ADORA1: variants seen among roughly 807,000 people sequenced by gnomAD.
ADORA1 encodes adenosine A1 receptor, also known as adenosine receptor A1.
A neutral mutation model predicts 19.9 loss-of-function variants in ADORA1; 6 were observed. That is an observed-to-expected ratio of 0.30 (90% CI 0.17 to 0.59). The LOEUF (loss-of-function observed/expected upper bound fraction) is 0.59. Among genes scored for constraint, ADORA1 ranks in the 20% least tolerant of loss-of-function variants. The probability of loss-of-function intolerance (pLI) is 0.87; values close to 1 mark genes in which losing one functional copy is unlikely to be tolerated. For synonymous variants in ADORA1, 194 were observed against 188.4 expected (o/e 1.03, Z -0.24); for missense variants, 302 against 439.2 (o/e 0.69, Z 2.79).
intron 3 of ADORA1, among the ~76,000 whole-genome samples, chr1:203,135,007 C>T (rs1392835277): frequency 6.6e-6 from 1 of 152,188 alleles, no homozygotes; most frequent in Non-Finnish European, 1.5e-5. Flanking sequence ...TTAGGGGGGC[C>T]TTCCCTGAGC....
intron 3 of ADORA1, among the ~76,000 whole-genome samples, chr1:203,151,514 C>T (rs141264490): frequency 1.3e-5 from 2 of 152,294 alleles, no homozygotes; most frequent in Non-Finnish European, 2.9e-5. Context: ...TGTATCTCTT[C>T]AAGGGTCGAT....
chr1:203,153,645 G>A (rs1282973785), intron 3 of ADORA1, among the ~76,000 whole-genome samples: 1 of 152,152 alleles, frequency 6.6e-6, no homozygotes, highest in Admixed American at 6.5e-5. Context: ...ATGCCACAGA[G>A]CCCCTCACAG....
chr1:203,163,694 G>T (rs1035278040), intron 3 of ADORA1, among the ~76,000 whole-genome samples: 1 of 152,128 alleles, frequency 6.6e-6, no homozygotes, highest in African/African-American at 2.4e-5. Context: ...GGGGCATCTG[G>T]TTCCTCCCAC....
intron 3 of ADORA1, among the ~76,000 whole-genome samples, chr1:203,144,081 T>TACACAC (rs10525873): frequency 0.13 from 18,095 of 139,624 alleles, 1,812 homozygotes; most frequent in African/African-American, 0.26. Context: ...GACTACCTCT[T>TACACAC]ACACACACAC....
At chr1:203,149,665 C>T (rs1221369528) in intron 3 of ADORA1, among the ~76,000 whole-genome samples, 1 of 152,146 alleles carries the variant, frequency 6.6e-6, no homozygotes, top group Non-Finnish European at 1.5e-5. Context: ...CCTGAGCATT[C>T]TGTAGAAGGC....
chr1:203,150,604 G>A (rs778021413), intron 3 of ADORA1: 74 of 1,286,270 alleles, frequency 5.8e-5, no homozygotes, highest in Admixed American at 9.2e-5. Context: ...GGCCAGGATC[G>A]GGGAGAATAT....
intron 3 of ADORA1, among the ~76,000 whole-genome samples, chr1:203,135,457 A>G (rs1287458049): frequency 6.6e-6 from 1 of 152,122 alleles, no homozygotes; most frequent in Non-Finnish European, 1.5e-5. Flanking sequence ...TCAGGAGTTC[A>G]AGACCATCTT....
At chr1:203,157,103 C>T (rs749081698) in intron 3 of ADORA1, among the ~76,000 whole-genome samples, 1 of 152,208 alleles carries the variant, frequency 6.6e-6, no homozygotes, top group Non-Finnish European at 1.5e-5. Flanking sequence ...CAGTAGGCCC[C>T]AAAGTCTTAA....
intron 3 of ADORA1, among the ~76,000 whole-genome samples, chr1:203,140,655 T>C (rs553475796): frequency 1.8e-4 from 28 of 152,262 alleles, no homozygotes; most frequent in Non-Finnish European, 3.7e-4. Flanking sequence ...CATTCCCAGG[T>C]GCCTTCAGCC....
intron 3 of ADORA1, among the ~76,000 whole-genome samples, chr1:203,145,683 G>GAA (rs1169779728): frequency 6.6e-6 from 1 of 152,248 alleles, no homozygotes; most frequent in Non-Finnish European, 1.5e-5. Flanking sequence ...CGGTGAAGTG[G>GAA]AACTAGTATT....
chr1:203,148,192 G>T (rs2102751612), intron 3 of ADORA1, among the ~76,000 whole-genome samples: 1 of 152,320 alleles, frequency 6.6e-6, no homozygotes, highest in Non-Finnish European at 1.5e-5. Context: ...CTGCACTCAA[G>T]CCTGGGTGAC....
chr1:203,154,930 C>A (rs1158874398), intron 3 of ADORA1, among the ~76,000 whole-genome samples: 1 of 152,112 alleles, frequency 6.6e-6, no homozygotes, highest in East Asian at 1.9e-4. Flanking sequence ...CCCACCCCCT[C>A]TTCCTTCTTT....
At position 203,134,509 on chromosome 1, in the gene ADORA1, C is replaced by G. The variant is rs1479552116; in HGVS notation, c.341+5327C>G. Among the ~76,000 whole-genome samples, 3 of 152,134 alleles carry G rather than the reference C, an allele frequency of 2.0e-5. No homozygotes were observed. The East Asian group carries it at 5.8e-4, about 29-fold the overall frequency. On this transcript the variant is annotated intron_variant, in intron 3 of 3. Transcript: ENST00000337894. ...GACTCCTTTCAAGTGTGAAAGCTTC[C>G]CCCAGCTGGCATCGGGTGGCTTCCC...
chr1:203,130,361 A>G (rs770760908), intron 3 of ADORA1, among the ~76,000 whole-genome samples: 5 of 152,348 alleles, frequency 3.3e-5, no homozygotes, highest in East Asian at 1.9e-4. Context: ...AAAGGGGGAA[A>G]CTAAGACTCA....
intron 3 of ADORA1, chr1:203,152,880 T>TA (rs1655082526): frequency 6.6e-6 from 1 of 152,182 alleles, no homozygotes; most frequent in African/African-American, 2.4e-5. Flanking sequence ...CAAAGTGTGA[T>TA]ACCTTGGCCT....
At chr1:203,149,407 C>T (rs997151452) in intron 3 of ADORA1, among the ~76,000 whole-genome samples, 1 of 152,062 alleles carries the variant, frequency 6.6e-6, no homozygotes, top group African/African-American at 2.4e-5. Flanking sequence ...CTGGCAGGCT[C>T]CTGGCCTGGG....
In ADORA1 at chr1:203,165,543, C is replaced by T; in HGVS notation, c.624C>T (p.Arg208=). The change falls in exon 4 of 4, where the codon CGC becomes CGT. Residue 208 remains arginine, a synonymous_variant. Coordinates refer to ENST00000337894, the MANE Select transcript of ADORA1 (RefSeq NM_000674.3). The surrounding 1 kb of genome is among the most constrained non-coding windows in gnomAD (Gnocchi z 5.9). ...ACCTGGAGGTCTTCTACCTAATCCG[C>T]AAGCAGCTCAACAAGAAGGTGTCGG... ...LIYLEVFYLI[R]KQLNKKVSAS... The T allele has an allele frequency of 6.2e-7, 1 of 1,613,932 alleles. No individual in the cohort carries two copies. The highest frequency in any genetic ancestry group is 8.5e-7 in the Non-Finnish European group (1 of 1,179,850).
chr1:203,141,572 A>ATT (rs56188119), intron 3 of ADORA1, among the ~76,000 whole-genome samples: 5,037 of 73,560 alleles, frequency 0.068, 1,166 homozygotes, highest in African/African-American at 0.089. Flanking sequence ...TCTAACCTGG[A>ATT]TTTTTTTTTT....
intron 3 of ADORA1, among the ~76,000 whole-genome samples, chr1:203,161,384 T>G (rs964255801): frequency 6.6e-6 from 1 of 152,150 alleles, no homozygotes; most frequent in Non-Finnish European, 1.5e-5. Flanking sequence ...GTGGGAGAAT[T>G]GCTTGAGCAC....
Sources: allele counts gnomAD v4.1 joint callset (sites outside exome capture counted in the v4.1 genomes callset), GRCh38; gene constraint gnomAD v4.1.1; non-coding constraint Gnocchi (gnomAD v3.1); transcripts MANE v1.5; gene names NCBI Gene and HGNC (gene_info 2026-07-23, HGNC 2026-07-21).